Variants in MZF1 observed in about 807,000 individuals in gnomAD.
MZF1 encodes the protein myeloid zinc finger 1, also known as zinc finger and SCAN domain-containing protein 6.
In MZF1, 24 loss-of-function variants were observed where a neutral mutation model predicts 28.6. The observed-to-expected ratio is 0.84, with a 90% CI of 0.61 to 1.18. The LOEUF is 1.18. Ranked by LOEUF, MZF1 falls within the 50% of genes most tolerant of loss-of-function variation. MZF1 has a pLI of 0.00. For missense variants in MZF1, 1,166 were observed against 1,026.4 expected (o/e 1.14, Z -1.86); for synonymous variants, 516 against 432.5 (o/e 1.19, Z -2.40).
chr19:58,570,293 C>G (rs540811752), intron 3 of MZF1, 51 bp downstream of exon 3: 5 of 1,529,680 alleles, frequency 3.3e-6, no homozygotes, highest in Non-Finnish European at 4.4e-6. Context: ...AGGCCAGGTT[C>G]CCTGGCCCAC....
chr19:58,563,065 A>G lies in MZF1; in HGVS notation c.1212T>C (p.Leu404=), dbSNP rs2053966218. The change falls in exon 6 of 6, where the codon CTT becomes CTC. Residue 404 remains leucine (L), a synonymous_variant. Coordinates refer to ENST00000215057, the MANE Select transcript of MZF1 (RefSeq NM_198055.2). ...SRSSHLLRHQ[L]THTEERPFVC... Reference sequence around the variant, plus strand: ...CGAACGGCCGCTCCTCGGTGTGCGTAAGCTGGTGGCGCAGCAGGTGCGAGC... The same window carrying G: ...CGAACGGCCGCTCCTCGGTGTGCGTGAGCTGGTGGCGCAGCAGGTGCGAGC... 6.2e-7 allele frequency: 1 copy of G among 1,603,212 alleles called. No homozygotes were observed. The highest frequency in any genetic ancestry group is 1.3e-5 in the African/African-American group (1 of 74,964).
At position 58,569,330 on chromosome 19, in the gene MZF1, C is replaced by T; in HGVS notation, c.719G>A (p.Arg240Lys). ...SKTGPEGPSW[R>K]EHPRALWHEE... ...ATGCCACAGGGCCCTGGGGTGCTCC[C>T]TCCATGAGGGACCCTCAGGCCCAGT... The change falls in exon 5 of 6, where the codon AGG becomes AAG. Residue 240 changes from arginine to lysine, a missense_variant. Physicochemically the swap from Arg to Lys is conservative, Grantham distance 26 (BLOSUM62 2). Transcript: ENST00000215057. 6.2e-7 allele frequency: 1 copy of T among 1,613,662 alleles called. No homozygotes were observed. Among genetic ancestry groups the T allele is most frequent in the East Asian group, 2.2e-5 (1 of 44,868 alleles).
chr19:58,571,691 C>A (rs1195238961), intron 1 of MZF1: 1 of 365,548 alleles, frequency 2.7e-6, no homozygotes, highest in Non-Finnish European at 5.0e-6. Flanking sequence ...GCTTTTTTTT[C>A]TTTTCTTTGA....
chr19:58,570,057 C>T (rs1256774163), intron 3 of MZF1: 27 of 372,838 alleles, frequency 7.2e-5, no homozygotes, highest in Admixed American at 6.0e-4. Context: ...TCCTTGGGGA[C>T]TGAACACCAC....
chr19:58,572,466 G>A (rs2054183341), intron 1 of MZF1: 2 of 1,081,952 alleles, frequency 1.8e-6, no homozygotes, highest in African/African-American at 3.2e-5. Context: ...GAGCCTGCAA[G>A]GAAGTCCCGA....
Position 58,562,786 on chromosome 19 carries a change from GCGCCGCGCGAAGCTCTCGCGGCACT to G in MZF1, c.1466_1490del (p.Glu489AlafsTer60). 6.5e-7 allele frequency: 1 copy of G among 1,534,490 alleles called. No homozygotes were observed. Among genetic ancestry groups the G allele is most frequent in the Non-Finnish European group, 8.7e-7 (1 of 1,146,318 alleles). On this transcript the variant is annotated frameshift_variant, in exon 6 of 6. Transcript: ENST00000215057. LOFTEE classifies it low-confidence loss of function (END_TRUNC). ...CCGCCTGGTGCTCCAGCAGCACGGC[GCGCCGCGCGAAGCTCTCGCGGCACT>G]CGCTGCACGGAAAGGGGCCGGGAGG...
In MZF1 at chr19:58,562,922, C is replaced by G; in HGVS notation, c.1355G>C (p.Arg452Pro). ...GCGCTGGTGCTGCAGCAGATTGGAG[C>G]GCTGCCGGAAGCTCTGGCCGCACTC... is the stretch of plus-strand genomic sequence containing the variant. Reference protein sequence around the residue: ...CAECGQSFRQRSNLLQHQRIH... With the variant: ...CAECGQSFRQPSNLLQHQRIH... Residue 452 changes from arginine (R) to proline (P), a missense_variant, in exon 6 of 6, where the codon CGC becomes CCC. Physicochemically the swap from Arg to Pro is moderately radical, Grantham distance 103. Transcript: ENST00000215057. 1 of 1,591,828 alleles carries G rather than the reference C, an allele frequency of 6.3e-7. No homozygotes were observed. Among genetic ancestry groups the G allele is most frequent in the Admixed American group, 1.7e-5 (1 of 59,444 alleles).
Position 58,562,859 on chromosome 19 carries a change from G to A in MZF1, c.1418C>T (p.Pro473Leu), listed in dbSNP as rs2053959592. Residue 473 changes from proline (P) to leucine (L), a missense_variant, in exon 6 of 6, where the codon CCG (proline) becomes CTG (leucine). Coordinates refer to ENST00000215057, the MANE Select transcript of MZF1 (RefSeq NM_198055.2). ...GDPPGPGAKP[P>L]APPGAPEPPG... ...AGGCTCGGGCGCACCAGGAGGGGCC[G>A]GGGGCTTAGCGCCAGGGCCCGGGGG... 6.5e-7 allele frequency: 1 copy of A among 1,542,572 alleles called. No homozygotes were observed. The highest frequency in any genetic ancestry group is 2.4e-5 in the East Asian group (1 of 41,620).
At chr19:58,567,077 T>C (rs1033483678) in intron 5 of MZF1, among the ~76,000 whole-genome samples, 39 of 152,136 alleles carry the variant, frequency 2.6e-4, no homozygotes, top group African/African-American at 9.4e-4. Flanking sequence ...TAGTTTTTTG[T>C]ATTATTTTTT....
Position 58,571,157 on chromosome 19 carries a change from C to T in MZF1, c.233G>A (p.Arg78His), listed in dbSNP as rs143757485. The T allele has an allele frequency of 1.7e-5, 28 of 1,613,874 alleles. No individual in the cohort carries two copies. Among genetic ancestry groups the T allele is most frequent in the African/African-American group, 2.7e-5 (2 of 74,946 alleles). Reference sequence around the variant, plus strand: ...CAGCTCCAGCATCTGCTCCTTGGAGCGTACCTCTGGACGCAGCCACTGGCG... The same window carrying T: ...CAGCTCCAGCATCTGCTCCTTGGAGTGTACCTCTGGACGCAGCCACTGGCG... ...LCRQWLRPEV[R>H]SKEQMLELLV... The change falls in exon 2 of 6, where the codon CGC becomes CAC. Residue 78 changes from arginine to histidine, a missense_variant. Coordinates refer to ENST00000215057, the MANE Select transcript of MZF1 (RefSeq NM_198055.2).
At chr19:58,568,191 G>A (rs2122716719) in intron 5 of MZF1, 1 of 152,342 alleles carries the variant, frequency 6.6e-6, no homozygotes, top group African/African-American at 2.4e-5. Flanking sequence ...GTTACAGTAA[G>A]CTATGATGGC....
At position 58,569,366 on chromosome 19, in the gene MZF1, G is replaced by A. The variant is rs1419412363; in HGVS notation, c.683C>T (p.Pro228Leu). 1 of 1,614,032 alleles carries A rather than the reference G, an allele frequency of 6.2e-7. No homozygotes were observed. Among genetic ancestry groups the A allele is most frequent in the Non-Finnish European group, 8.5e-7 (1 of 1,179,960 alleles). ...RCGTVLDQIF[P>L]HSKTGPEGPS... is the part of the protein sequence containing the mutation. ...ACCCTCAGGCCCAGTCTTGCTGTGG[G>A]GAAAGATCTGGTCCAGCACGGTCCC... Residue 228 changes from proline to leucine, a missense_variant, in exon 5 of 6, where the codon CCC (proline) becomes CTC (leucine). Coordinates refer to ENST00000215057, the MANE Select transcript of MZF1 (RefSeq NM_198055.2).
Position 58,562,301 on chromosome 19 carries a change from C to T in MZF1, c.1976G>A (p.Gly659Asp), listed in dbSNP as rs374723544. Residue 659 changes from glycine (G) to aspartate (D), a missense_variant, in exon 6 of 6, where the codon GGC becomes GAC. By Grantham distance (94) the Gly-to-Asp change is moderately conservative (BLOSUM62 -1). Transcript: ENST00000215057. ...GERPFACPEC[G>D]QSFRQHANLT... ...GTTGGCGTGCTGCCGAAAGCTCTGG[C>T]CGCACTCGGGGCAGGCGAAGGGCCG... is the stretch of plus-strand genomic sequence containing the variant. 1.4e-5 allele frequency: 22 copies of T among 1,610,076 alleles called. No homozygotes were observed. The African/African-American group carries it at 1.7e-4, about 13-fold the overall frequency.
At chr19:58,564,898 G>GT (rs1600099960) in intron 5 of MZF1, among the ~76,000 whole-genome samples, 4 of 91,948 alleles carry the variant, frequency 4.4e-5, no homozygotes, top group African/African-American at 2.1e-4. Context: ...GCATCCATGT[G>GT]TGTGTTTTTT....
intron 5 of MZF1, among the ~76,000 whole-genome samples, chr19:58,567,479 T>A (rs116572344): frequency 6.6e-6 from 1 of 152,226 alleles, no homozygotes; most frequent in African/African-American, 2.4e-5. Flanking sequence ...AACAGTCCCA[T>A]TGGATGCTGA....
Position 58,562,971 on chromosome 19 carries a change from C to G in MZF1, c.1306G>C (p.Gly436Arg), listed in dbSNP as rs770298064. The stretch of plus-strand genomic sequence containing the variant: ...TCAGCGCAACGGAAAGGCTGTTCGC[C>G]CGTGTGCACTCTCCGATGCTCTTCC... ...RLEEHRRVHTGEQPFRCAECG... is the reference protein window; with the variant it reads ...RLEEHRRVHTREQPFRCAECG... Residue 436 changes from glycine to arginine, a missense_variant, in exon 6 of 6, where the codon GGC becomes CGC. Physicochemically the swap from Gly to Arg is moderately radical, Grantham distance 125. Transcript: ENST00000215057. 4 of 1,601,670 alleles carry G rather than the reference C, an allele frequency of 2.5e-6. No homozygotes were observed. Among genetic ancestry groups the G allele is most frequent in the Middle Eastern group, 1.7e-4 (1 of 6,036 alleles).
chr19:58,565,094 G>A (rs1166732265), intron 5 of MZF1, among the ~76,000 whole-genome samples: 2 of 118,098 alleles, frequency 1.7e-5, no homozygotes, highest in East Asian at 6.3e-4. Context: ...CTAATTGTTT[G>A]TATTTTTTTT....
chr19:58,572,305 C>T (rs962938239), intron 1 of MZF1, among the ~76,000 whole-genome samples: 24 of 152,206 alleles, frequency 1.6e-4, no homozygotes, highest in African/African-American at 5.5e-4. Context: ...CAGGCAGCAC[C>T]CTCTCTCCCT....
rs575595806 is a variant in MZF1, at chr19:58,562,332, C to T, written c.1945G>A (p.Gly649Ser). ...RLTEHQRIHT[G>S]ERPFACPECG... ...TCGGGGCAGGCGAAGGGCCGTTCGC[C>T]CGTGTGGATGCGCTGGTGCTCGGTG... Residue 649 changes from glycine to serine, a missense_variant, in exon 6 of 6, where the codon GGC (glycine) becomes AGC (serine). Coordinates refer to ENST00000215057, the MANE Select transcript of MZF1 (RefSeq NM_198055.2). The T allele has an allele frequency of 1.1e-5, 18 of 1,609,846 alleles. 1 individual carries two copies. The highest frequency in any genetic ancestry group is 8.9e-5 in the East Asian group (4 of 44,720).
Sources: gnomAD v4.1 joint callset for allele counts (sites outside exome capture counted in the v4.1 genomes callset) on GRCh38, gnomAD v4.1.1 for gene constraint, MANE v1.5 for transcripts, NCBI Gene and HGNC (gene_info 2026-07-23, HGNC 2026-07-21) for gene names.